Variants in LIFR observed in about 807,000 individuals in gnomAD.
The protein encoded by LIFR is LIF receptor subunit alpha.
A neutral mutation model predicts 122.2 loss-of-function variants in LIFR; 84 were observed. The observed-to-expected ratio is 0.69, with a 90% CI of 0.58 to 0.82. LIFR has a LOEUF of 0.82. Among genes scored for constraint, LIFR ranks in the 40% least tolerant of loss-of-function variants. The pLI is 0.00. For missense variants in LIFR, 1,294 were observed against 1,311.6 expected, an observed-to-expected ratio of 0.99 and a Z score of 0.21; for synonymous variants, 422 against 434.7, an observed-to-expected ratio of 0.97 and a Z score of 0.36.
chr5:38,540,411 T>C (rs1314577107), intron 1 of LIFR, among the ~76,000 whole-genome samples: 1 of 152,236 alleles, frequency 6.6e-6, no homozygotes, highest in East Asian at 1.9e-4. Context: ...AATCACATTA[T>C]AACAAAGATC....
chr5:38,490,283 G>A lies in LIFR; in HGVS notation c.2074C>T (p.Arg692Ter), dbSNP rs199775294. The change falls in exon 15 of 20, where the codon CGA becomes TGA. Residue 692 changes from arginine to a stop codon, truncating the protein, a stop_gained. Coordinates refer to ENST00000453190, the MANE Select transcript of LIFR (RefSeq NM_001127671.2). LOFTEE classifies it high-confidence loss of function. ...TETVIESDEF[R>*]PGIRYNFFLY... The stretch of plus-strand genomic sequence containing the variant: ...AAAAAATTATATCTTATACCTGGTC[G>A]AAACTCATCTATAGGATGAACATAT... 47 of 1,475,820 alleles carry A rather than the reference G, an allele frequency of 3.2e-5. No homozygotes were observed. Among genetic ancestry groups the A allele is most frequent in the Non-Finnish European group, 1.4e-5 (15 of 1,058,062 alleles). The allele number at this position is 1,475,820 out of a possible 1,614,324, so 91.4% of individuals were successfully genotyped here. A position where few individuals can be genotyped will look rare whatever the true frequency, so the allele number is the denominator to read the frequency against.
chr5:38,556,714 A>G (rs922159954), upstream of LIFR: 8 of 105,436 alleles, frequency 7.6e-5, no homozygotes, highest in Admixed American at 4.2e-4. Context: ...CCCGCCCCTG[A>G]CCCGCCCCTG....
At position 38,506,344 on chromosome 5, in the gene LIFR, G is replaced by T. The variant is rs183189399; in HGVS notation, c.1121+159C>A. 2.6e-5 allele frequency among the ~76,000 whole-genome samples: 4 copies of T among 152,250 alleles called. No individual in the cohort carries two copies. The East Asian group carries it at 5.8e-4, about 22-fold the overall frequency. On this transcript the variant is annotated intron_variant, in intron 8 of 19. Transcript: ENST00000453190. Reference sequence around the variant, plus strand: ...AGGAGACATAAAATTGAGTGTACATGTGGCTGAACTGCAGTGCTTATAAGT... The same window carrying T: ...AGGAGACATAAAATTGAGTGTACATTTGGCTGAACTGCAGTGCTTATAAGT...
intron 1 of LIFR, among the ~76,000 whole-genome samples, chr5:38,551,232 G>T (rs1287257781): frequency 6.6e-6 from 1 of 152,180 alleles, no homozygotes; most frequent in Non-Finnish European, 1.5e-5. Context: ...AGGGCTATGG[G>T]TCTCCAGGCC....
rs776409022 is a variant in LIFR, at chr5:38,527,265, G to T, written c.287C>A (p.Thr96Asn). 5.6e-6 allele frequency: 9 copies of T among 1,593,436 alleles called. No individual in the cohort carries two copies. The African/African-American group carries it at 1.1e-4, about 19-fold the overall frequency. Residue 96 changes from threonine (T) to asparagine (N), a missense_variant, in exon 4 of 20, where the codon ACC becomes AAC. Coordinates refer to ENST00000453190, the MANE Select transcript of LIFR (RefSeq NM_001127671.2). ...RSRSCYQLEK[T>N]SIKIPALSHG... ...TGAAAGAGCTGGAATTTTAATACTGGTTTTCTCCAACTGATAACAAGAACG... is the reference window on the plus strand; with the variant it reads ...TGAAAGAGCTGGAATTTTAATACTGTTTTTCTCCAACTGATAACAAGAACG...
intron 1 of LIFR, chr5:38,579,161 T>C (rs971698075): frequency 1.3e-5 from 2 of 152,240 alleles, no homozygotes; most frequent in African/African-American, 4.8e-5. Context: ...TCCAGAACTC[T>C]AAGATGTCAG....
intron 11 of LIFR, among the ~76,000 whole-genome samples, chr5:38,501,098 G>T (rs1745151116): frequency 6.6e-6 from 1 of 152,172 alleles, no homozygotes; most frequent in African/African-American, 2.4e-5. Flanking sequence ...AAGACTCCAA[G>T]TCAGAGAGAT....
At chr5:38,583,124 A>G (rs1389725841) in intron 1 of LIFR, among the ~76,000 whole-genome samples, 3 of 152,230 alleles carry the variant, frequency 2.0e-5, no homozygotes, top group African/African-American at 7.2e-5. Context: ...AACGTGTTCA[A>G]TTGATGCTTG....
rs1424857337 is a variant in LIFR at position 38,480,026 on chromosome 5, C to A, written c.*1569G>T. 2 of 223,084 alleles carry A rather than the reference C, an allele frequency of 9.0e-6. No homozygotes were observed. Among genetic ancestry groups the A allele is most frequent in the East Asian group, 6.6e-5 (1 of 15,142 alleles). 13.8% of individuals were successfully genotyped at this position (223,084 alleles called of 1,614,324 possible). A position where few individuals can be genotyped will look rare whatever the true frequency, so the allele number is the denominator to read the frequency against. ...TTGTCACTCTGGCTTTTTTCCACAA[C>A]ATGGTTTTTAAAAAGATACAATATG... On this transcript the variant is annotated 3_prime_UTR_variant, in exon 20 of 20. Transcript: ENST00000453190.
Position 38,478,360 on chromosome 5 carries a change from T to TA in LIFR, c.*3234dup, listed in dbSNP as rs1427981600. ...AAAATGAGGTTGATACTTCCTCTCT[T>TA]AAGCTTCTCAGTGAATGGCTGCTTC... On this transcript the variant is annotated 3_prime_UTR_variant, in exon 20 of 20. Transcript: ENST00000453190. The TA allele has an allele frequency of 9.7e-6, 2 of 205,880 alleles. No homozygotes were observed. The highest frequency in any genetic ancestry group is 2.3e-5 in the African/African-American group (1 of 43,716). 12.8% of individuals were successfully genotyped at this position (205,880 alleles called of 1,614,324 possible).
At chr5:38,571,327 G>A (rs1048455922) in intron 1 of LIFR, among the ~76,000 whole-genome samples, 2 of 152,034 alleles carry the variant, frequency 1.3e-5, no homozygotes, top group South Asian at 2.1e-4. Context: ...TGAGGCGGGC[G>A]GATCACTTGA....
chr5:38,494,828 C>A (rs1259597083), intron 13 of LIFR, among the ~76,000 whole-genome samples: 8 of 152,106 alleles, frequency 5.3e-5, no homozygotes. Flanking sequence ...ACTTAATCAC[C>A]CACAGGCTAC....
chr5:38,552,304 C>G (rs960530276), intron 1 of LIFR, among the ~76,000 whole-genome samples: 2 of 152,182 alleles, frequency 1.3e-5, no homozygotes, highest in Non-Finnish European at 2.9e-5. Flanking sequence ...TATTAGACAT[C>G]TATAACAATT....
Position 38,484,761 on chromosome 5 carries a change from T to C in LIFR, c.2591+14A>G. ...TTAAGAAGAAAACAGCAAGAGTAAA[T>C]GCAGAACTATTACCATTCTCGTTTC... is the stretch of plus-strand genomic sequence containing the variant. On this transcript the variant is annotated intron_variant, in intron 18 of 19. Transcript: ENST00000453190. The C allele has an allele frequency of 1.3e-6, 2 of 1,557,342 alleles. No individual in the cohort carries two copies. Among genetic ancestry groups the C allele is most frequent in the South Asian group, 2.2e-5 (2 of 89,702 alleles).
intron 11 of LIFR, among the ~76,000 whole-genome samples, chr5:38,501,229 CCT>C (rs1452305056): frequency 1.3e-5 from 2 of 152,168 alleles, no homozygotes; most frequent in African/African-American, 2.4e-5. Context: ...TCATATCCTC[CCT>C]CTCTGTACTC....
chr5:38,482,528 A>G, intron 19 of LIFR, 61 bp downstream of exon 19: 1 of 928,520 alleles, frequency 1.1e-6, no homozygotes, highest in Non-Finnish European at 1.7e-6. Flanking sequence ...AAAACTTTTC[A>G]CAAAAGATTA....
intron 5 of LIFR, 131 bp from the exon 6 acceptor site, chr5:38,512,095 C>A: frequency 1.1e-6 from 1 of 880,334 alleles, no homozygotes; most frequent in South Asian, 1.4e-5. Context: ...TAATACAACT[C>A]AGTTTTGTGT....
At chr5:38,504,145 T>A in intron 9 of LIFR, 24 bp from the exon 10 acceptor site, 1 of 1,417,032 alleles carries the variant, frequency 7.1e-7, no homozygotes, top group Non-Finnish European at 1.0e-6. Context: ...TTTTAAAGAT[T>A]AAACACTTAT....
chr5:38,525,250 C>T (rs1369359239), intron 4 of LIFR, among the ~76,000 whole-genome samples: 1 of 152,148 alleles, frequency 6.6e-6, no homozygotes, highest in Non-Finnish European at 1.5e-5. Context: ...GTTTGAGAAT[C>T]AGAGAGACTT....
Sources: allele counts gnomAD v4.1 joint callset (sites outside exome capture counted in the v4.1 genomes callset), GRCh38; gene constraint gnomAD v4.1.1; transcripts MANE v1.5; gene names NCBI Gene and HGNC (gene_info 2026-07-23, HGNC 2026-07-21).